Variants in DIAPH2 observed in about 807,000 individuals in gnomAD.
DIAPH2 encodes protein diaphanous homolog 2.
Under a neutral mutation model 92.7 loss-of-function variants are expected in DIAPH2, and 35 were observed. The observed-to-expected ratio is 0.38, with a 90% CI of 0.29 to 0.50. The LOEUF is 0.50. Among genes scored for constraint, DIAPH2 ranks in the 20% least tolerant of loss-of-function variants. The probability of loss-of-function intolerance (pLI) is 0.94; values close to 1 mark genes in which losing one functional copy is unlikely to be tolerated. For missense variants in DIAPH2, 701 were observed against 819.5 expected, an observed-to-expected ratio of 0.86 and a Z score of 1.77; for synonymous variants, 301 against 280.4, an observed-to-expected ratio of 1.07 and a Z score of -0.73.
intron 26 of DIAPH2, among the ~76,000 whole-genome samples, chrX:97,459,066 T>C (rs1160042114): frequency 8.9e-6 from 1 of 112,212 alleles, no homozygotes; most frequent in Non-Finnish European, 1.9e-5. Flanking sequence ...TTTTGTTTTT[T>C]CTTTTAATCT....
At chrX:96,992,837 G>A (rs1032265013) in intron 17 of DIAPH2, among the ~76,000 whole-genome samples, 1 of 111,704 alleles carries the variant, frequency 9.0e-6, no homozygotes, top group African/African-American at 3.3e-5. Flanking sequence ...AGAATAAAGA[G>A]ACTATCTTTA....
rs144592190 is a variant in DIAPH2, at chrX:97,007,223, C to T, written c.2050+42016C>T. Among the ~76,000 whole-genome samples, 742 of 111,729 alleles carry T rather than the reference C, an allele frequency of 6.6e-3. 2 individuals are homozygous for T. Among genetic ancestry groups the T allele is most frequent in the African/African-American group, 0.023 (694 of 30,818 alleles). On this transcript the variant is annotated intron_variant, in intron 17 of 26. Coordinates refer to ENST00000324765, the MANE Select transcript of DIAPH2 (RefSeq NM_006729.5). ...ATGAGTAGTTTACACACCACAATTA[C>T]AGCGTTACAATATCCTGTGTTTTTT...
intron 20 of DIAPH2, among the ~76,000 whole-genome samples, chrX:97,114,222 A>T (rs1446131180): frequency 1.8e-5 from 2 of 110,875 alleles, no homozygotes; most frequent in Non-Finnish European, 3.8e-5. Context: ...AATAGAAATC[A>T]TAAGTTTAAA....
At chrX:97,382,194 A>G (rs1453807352) in intron 24 of DIAPH2, among the ~76,000 whole-genome samples, 3 of 112,183 alleles carry the variant, frequency 2.7e-5, no homozygotes, top group African/African-American at 6.5e-5. Flanking sequence ...TTGAGTTACA[A>G]TTTTACTTCC....
At chrX:97,072,902 G>C in intron 17 of DIAPH2, 39 bp from the exon 18 acceptor site, 2 of 923,546 alleles carry the variant, frequency 2.2e-6, no homozygotes, top group Non-Finnish European at 3.0e-6. Flanking sequence ...ACTTGGATTA[G>C]TACCCTTATT....
At position 96,873,556 on chromosome X, in the gene DIAPH2, T is replaced by C. The variant is rs1301697870; in HGVS notation, c.448-8023T>C. On this transcript the variant is annotated intron_variant, in intron 4 of 26. Coordinates refer to ENST00000324765, the MANE Select transcript of DIAPH2 (RefSeq NM_006729.5). ...ATTGAAAGGCCAACTTGGGGGATCC[T>C]TGTGGTGATGGAACTGTTCCATATC... Among the ~76,000 whole-genome samples the C allele has an allele frequency of 2.8e-5, 3 of 109,061 alleles. No homozygotes were observed. The East Asian group carries it at 8.6e-4, about 31-fold the overall frequency. The allele number at this position is 109,061 out of a possible 115,157, so 94.7% of individuals were successfully genotyped here.
chrX:97,448,919 T>G (rs773803634), intron 26 of DIAPH2, among the ~76,000 whole-genome samples: 1 of 112,211 alleles, frequency 8.9e-6, no homozygotes, highest in Non-Finnish European at 1.9e-5. Context: ...TAAATATCTT[T>G]TATGCTTTGA....
chrX:96,690,122 A>C (rs904767334), intron 1 of DIAPH2, among the ~76,000 whole-genome samples: 1 of 110,685 alleles, frequency 9.0e-6, no homozygotes, highest in African/African-American at 3.3e-5. Flanking sequence ...GCTTGTTTGA[A>C]TTCTTGTGAT....
chrX:97,405,977 C>T (rs1204322519), intron 25 of DIAPH2, among the ~76,000 whole-genome samples: 2 of 111,704 alleles, frequency 1.8e-5, no homozygotes, highest in Non-Finnish European at 3.8e-5. Flanking sequence ...AACCCTCTCC[C>T]TGGGCATCCA....
chrX:97,095,766 A>G (rs755879694), intron 19 of DIAPH2, among the ~76,000 whole-genome samples: 1 of 112,157 alleles, frequency 8.9e-6, no homozygotes, highest in South Asian at 3.6e-4. Context: ...GCAGAAATGT[A>G]AAAAGTAGTT....
intron 12 of DIAPH2, 122 bp downstream of exon 12, chrX:96,939,504 A>ATATATG (rs1569431009): frequency 9.7e-5 from 7 of 72,534 alleles, no homozygotes; most frequent in African/African-American, 3.0e-4. Context: ...ATATATGTAT[A>ATATATG]TATATATGTA....
At chrX:96,917,260 C>T (rs2017694928) in intron 8 of DIAPH2, among the ~76,000 whole-genome samples, 1 of 111,223 alleles carries the variant, frequency 9.0e-6, no homozygotes, top group South Asian at 3.8e-4. Context: ...CCTTGGAACA[C>T]TTTGCGTGAC....
chrX:96,854,583 ACTCT>A (rs1264157455), intron 4 of DIAPH2, among the ~76,000 whole-genome samples: 1 of 66,042 alleles, frequency 1.5e-5, no homozygotes, highest in East Asian at 5.1e-4. Flanking sequence ...AAAAACCAAG[ACTCT>A]CTCTCTCTCT....
intron 23 of DIAPH2, among the ~76,000 whole-genome samples, chrX:97,326,616 A>G (rs1489783580): frequency 8.9e-6 from 1 of 112,437 alleles, no homozygotes; most frequent in Non-Finnish European, 1.9e-5. Flanking sequence ...TCAGAAGGAC[A>G]ACACTACTGC....
chrX:97,131,064 C>T (rs1249747649), intron 21 of DIAPH2, among the ~76,000 whole-genome samples: 1 of 109,831 alleles, frequency 9.1e-6, no homozygotes, highest in Non-Finnish European at 1.9e-5. Context: ...TGTGATCATG[C>T]CACTGCACTC....
chrX:97,163,603 A>G (rs2067390872), intron 22 of DIAPH2, among the ~76,000 whole-genome samples: 1 of 111,955 alleles, frequency 8.9e-6, no homozygotes, highest in Non-Finnish European at 1.9e-5. Context: ...GAAGTGACTG[A>G]AGCTTTTCTA....
intron 4 of DIAPH2, among the ~76,000 whole-genome samples, chrX:96,787,686 CTTTTTTTTT>C (rs56998803): frequency 1.8e-5 from 1 of 54,737 alleles, no homozygotes; most frequent in African/African-American, 9.1e-5. Context: ...ACTCTTTTCT[CTTTTTTTTT>C]TTTTTTTTTT....
intron 26 of DIAPH2, among the ~76,000 whole-genome samples, chrX:97,516,271 A>T (rs1423767545): frequency 4.5e-5 from 5 of 109,960 alleles, no homozygotes; most frequent in Admixed American, 9.7e-5. Flanking sequence ...AATAATAAAT[A>T]AAAAAAAAGC....
chrX:97,317,185 G>A lies in DIAPH2; in HGVS notation c.2845-30931G>A, dbSNP rs148668249. On this transcript the variant is annotated intron_variant, in intron 23 of 26. Coordinates refer to ENST00000324765, the MANE Select transcript of DIAPH2 (RefSeq NM_006729.5). ...TGAAAATGTTACAATGTCATAATTT[G>A]TTTTTTTTAGCCCAATCACCACTTT... 3.7e-3 allele frequency among the ~76,000 whole-genome samples: 408 copies of A among 111,260 alleles called. 4 individuals carry two copies. Among genetic ancestry groups the A allele is most frequent in the African/African-American group, 0.012 (376 of 30,718 alleles).
Sources: gnomAD v4.1 joint callset for allele counts (sites outside exome capture counted in the v4.1 genomes callset) on GRCh38, gnomAD v4.1.1 for gene constraint, MANE v1.5 for transcripts, NCBI Gene and HGNC (gene_info 2026-07-23, HGNC 2026-07-21) for gene names.